The following OXR1 variants were observed in gnomAD, a reference collection of about 807,000 sequenced individuals.
OXR1 encodes oxidation resistance 1.
A neutral mutation model predicts 104.6 loss-of-function variants in OXR1; 41 were observed. The ratio of observed to expected loss-of-function variants is 0.39; its 90% CI spans 0.31 to 0.51. The LOEUF (loss-of-function observed/expected upper bound fraction) is 0.51, where lower values mean the gene tolerates loss of function less well. Among genes scored for constraint, OXR1 ranks in the 20% least tolerant of loss-of-function variants. OXR1 has a pLI of 0.77. For synonymous variants in OXR1, 348 were observed against 348.4 expected, an observed-to-expected ratio of 1.00 and a Z score of 0.01; for missense variants, 955 against 1,031.9, an observed-to-expected ratio of 0.93 and a Z score of 1.02.
At chr8:106,660,638 G>T (rs1163267528) in intron 3 of OXR1, among the ~76,000 whole-genome samples, 3 of 152,186 alleles carry the variant, frequency 2.0e-5, no homozygotes, top group Non-Finnish European at 4.4e-5. Flanking sequence ...ATCAAGAAGG[G>T]GTGGAGGGAG....
At chr8:106,726,099 T>G (rs1030738919) in intron 11 of OXR1, 2 of 1,322,688 alleles carry the variant, frequency 1.5e-6, no homozygotes, top group African/African-American at 3.1e-5. Context: ...CTCTCTCTCT[T>G]GTCAATCAAA....
intron 2 of OXR1, among the ~76,000 whole-genome samples, chr8:106,434,396 A>G (rs1182941857): frequency 6.6e-6 from 1 of 152,196 alleles, no homozygotes; most frequent in Non-Finnish European, 1.5e-5. Context: ...ACAGATGAGG[A>G]GAAAGAAATG....
chr8:106,596,523 CA>C (rs1819535715), intron 3 of OXR1, among the ~76,000 whole-genome samples: 1 of 152,108 alleles, frequency 6.6e-6, no homozygotes, highest in Non-Finnish European at 1.5e-5. Context: ...ATAAATTTAT[CA>C]GCAAATTAGA....
At chr8:106,437,011 C>A (rs1002927972) in intron 2 of OXR1, among the ~76,000 whole-genome samples, 2 of 152,162 alleles carry the variant, frequency 1.3e-5, no homozygotes, top group African/African-American at 4.8e-5. Flanking sequence ...ACAAAAAAAT[C>A]TTTCTATGTG....
At chr8:106,715,525 G>A (rs1003932116) in intron 11 of OXR1, among the ~76,000 whole-genome samples, 4 of 151,548 alleles carry the variant, frequency 2.6e-5, no homozygotes, top group African/African-American at 9.7e-5. Context: ...TAGCCCAGGT[G>A]ATCAAAGATA....
At chr8:106,477,494 G>C (rs1282579816) in intron 2 of OXR1, among the ~76,000 whole-genome samples, 1 of 151,956 alleles carries the variant, frequency 6.6e-6, no homozygotes, top group Non-Finnish European at 1.5e-5. Flanking sequence ...GAATGGCTCT[G>C]TGTAGGGTCT....
At chr8:106,607,003 G>C (rs2130781311) in intron 3 of OXR1, among the ~76,000 whole-genome samples, 1 of 151,972 alleles carries the variant, frequency 6.6e-6, no homozygotes, top group East Asian at 1.9e-4. Context: ...TAGAGCCCTA[G>C]CATGCTTCAT....
intron 3 of OXR1, among the ~76,000 whole-genome samples, chr8:106,598,610 A>T (rs979670649): frequency 1.3e-5 from 2 of 152,240 alleles, no homozygotes; most frequent in South Asian, 4.1e-4. Context: ...TTTAAGCTAC[A>T]TATTATATAA....
chr8:106,641,312 G>A (rs1372385674), intron 3 of OXR1, among the ~76,000 whole-genome samples: 1 of 152,108 alleles, frequency 6.6e-6, no homozygotes, highest in Admixed American at 6.5e-5. Flanking sequence ...TGAAAACGTG[G>A]GGCTGAAAGA....
intron 2 of OXR1, among the ~76,000 whole-genome samples, chr8:106,473,960 A>G (rs868799802): frequency 8.2e-5 from 12 of 145,790 alleles, no homozygotes; most frequent in Non-Finnish European, 1.6e-4. Flanking sequence ...TGCTATCATG[A>G]ATCTAGTTAT....
chr8:106,528,470 C>T (rs1359987541), intron 3 of OXR1, among the ~76,000 whole-genome samples: 33 of 152,124 alleles, frequency 2.2e-4, no homozygotes, highest in Admixed American at 2.2e-3. Context: ...CCCCAGGCTG[C>T]TTACATATTG....
At chr8:106,683,002 C>T (rs1587074873) in intron 4 of OXR1, among the ~76,000 whole-genome samples, 197 bp from the exon 5 acceptor site, 1 of 152,150 alleles carries the variant, frequency 6.6e-6, no homozygotes, top group South Asian at 2.1e-4. Context: ...TGTGATGAAG[C>T]CTTTACTCTG....
In OXR1 at chr8:106,526,698, A is replaced by T. The variant is rs528830713; in HGVS notation, c.220+7559A>T. 2.6e-5 allele frequency among the ~76,000 whole-genome samples: 4 copies of T among 152,188 alleles called. No homozygotes were observed. The South Asian group carries it at 6.2e-4, about 24-fold the overall frequency. ...GCTGGGACTACAGGCGTCCGCCACC[A>T]CGCCCGGCTAATTTTTTTGTATTTT... On this transcript the variant is annotated intron_variant, in intron 3 of 16. Transcript: ENST00000517566.
At chr8:106,291,470 A>C (rs1464175996) in intron 1 of OXR1, among the ~76,000 whole-genome samples, 1 of 152,204 alleles carries the variant, frequency 6.6e-6, no homozygotes, top group Non-Finnish European at 1.5e-5. Flanking sequence ...ATTAAATTGC[A>C]TCATTCTTGG....
intron 11 of OXR1, among the ~76,000 whole-genome samples, chr8:106,721,027 G>T (rs541492846): frequency 2.6e-5 from 4 of 151,972 alleles, no homozygotes; most frequent in Non-Finnish European, 5.9e-5. Flanking sequence ...TTACATGCTG[G>T]ACAATATCAG....
At chr8:106,313,418 A>G (rs1813792106) in intron 1 of OXR1, among the ~76,000 whole-genome samples, 1 of 152,180 alleles carries the variant, frequency 6.6e-6, no homozygotes, top group South Asian at 2.1e-4. Flanking sequence ...TAGATTTTAG[A>G]AACATGCAAA....
chr8:106,712,323 G>T (rs949927379), intron 10 of OXR1, among the ~76,000 whole-genome samples: 1 of 152,032 alleles, frequency 6.6e-6, no homozygotes, highest in African/African-American at 2.4e-5. Flanking sequence ...TTATTACCCA[G>T]TCTTTATAAT....
intron 2 of OXR1, among the ~76,000 whole-genome samples, chr8:106,459,442 T>C (rs4626571): frequency 0.11 from 16,852 of 152,084 alleles, 3,162 homozygotes; most frequent in African/African-American, 0.39. Flanking sequence ...AATTTATTTT[T>C]TTATTAAATA....
chr8:106,619,462 A>T (rs1821513818), intron 3 of OXR1, among the ~76,000 whole-genome samples: 1 of 152,222 alleles, frequency 6.6e-6, no homozygotes, highest in African/African-American at 2.4e-5. Flanking sequence ...ATACAAAATT[A>T]TCAAGTGAAA....
Sources: allele counts gnomAD v4.1 joint callset (sites outside exome capture counted in the v4.1 genomes callset), GRCh38; gene constraint gnomAD v4.1.1; transcripts MANE v1.5; gene names NCBI Gene and HGNC (gene_info 2026-07-23, HGNC 2026-07-21).